Variants in LINGO2 observed in about 807,000 individuals in gnomAD.
LINGO2 encodes the protein leucine-rich repeat and immunoglobulin-like domain-containing nogo receptor-interacting protein 2.
In LINGO2, 14 loss-of-function variants were observed where a neutral mutation model predicts 30.6. That is an observed-to-expected ratio of 0.46 (90% CI 0.30 to 0.72). LINGO2 has a LOEUF of 0.72. Ranked by LOEUF, LINGO2 falls within the 30% of genes least tolerant of loss-of-function variation. The pLI is 0.07. For missense variants in LINGO2, 729 were observed against 751.7 expected (o/e 0.97, Z 0.35); for synonymous variants, 317 against 288.5 (o/e 1.10, Z -1.00).
chr9:27,956,397 T>C (rs1177795792), intron 5 of LINGO2, among the ~76,000 whole-genome samples: 10 of 152,244 alleles, frequency 6.6e-5, no homozygotes, highest in Non-Finnish European at 1.5e-4. Flanking sequence ...TCACTTTTAA[T>C]TGCATTTTTA....
intron 1 of LINGO2, among the ~76,000 whole-genome samples, chr9:28,570,645 G>A (rs570033572): frequency 2.0e-5 from 3 of 151,048 alleles, no homozygotes; most frequent in East Asian, 3.9e-4. Context: ...TATCTACTTG[G>A]GGAGCAGCAT....
the LINGO2 span, among the ~76,000 whole-genome samples, chr9:29,144,300 G>T: frequency 6.6e-6 from 1 of 151,954 alleles, no homozygotes; most frequent in Non-Finnish European, 1.5e-5. Flanking sequence ...TGTATAGAAC[G>T]TCAGTGGAAG....
intron 4 of LINGO2, among the ~76,000 whole-genome samples, chr9:28,183,221 A>T (rs147251309): frequency 0.011 from 1,677 of 151,898 alleles, 33 homozygotes; most frequent in African/African-American, 0.038. Flanking sequence ...ACCAAACACC[A>T]CATGTTCTCA....
the LINGO2 span, among the ~76,000 whole-genome samples, chr9:29,071,497 A>G: frequency 8.4e-6 from 1 of 119,074 alleles, no homozygotes; most frequent in Non-Finnish European, 1.7e-5. Flanking sequence ...ATATATATAT[A>G]TATATATATA....
At chr9:28,837,661 CAT>C in the LINGO2 span, among the ~76,000 whole-genome samples, 8 of 89,402 alleles carry the variant, frequency 8.9e-5, 2 homozygotes, top group African/African-American at 2.2e-4. Context: ...TATATATATA[CAT>C]ATATATATAT....
rs556005036 is a variant in LINGO2 at position 28,185,634 on chromosome 9, T to C, written c.-87+109574A>G. Among the ~76,000 whole-genome samples the C allele has an allele frequency of 9.2e-5, 14 of 152,300 alleles. No homozygotes were observed. In the South Asian group the frequency reaches 2.9e-3, roughly 32 times the overall value. On this transcript the variant is annotated intron_variant, in intron 4 of 5. Transcript: ENST00000379992. ...TCTTTAGAAAACTGAAACACAATTG[T>C]AGAAATAGGACTGCAAAAATATAGT...
intron 5 of LINGO2, among the ~76,000 whole-genome samples, chr9:28,010,545 G>A (rs1012172563): frequency 6.6e-6 from 1 of 152,168 alleles, no homozygotes; most frequent in Non-Finnish European, 1.5e-5. Flanking sequence ...CAGGGATGGA[G>A]TTTCTAGATC....
chr9:28,172,502 T>C (rs2075085712), intron 4 of LINGO2, among the ~76,000 whole-genome samples: 1 of 152,270 alleles, frequency 6.6e-6, no homozygotes, highest in South Asian at 2.1e-4. Context: ...ATTGTCATTT[T>C]AAACATCTCA....
chr9:27,961,533 G>A (rs1038240150), intron 5 of LINGO2, among the ~76,000 whole-genome samples: 1 of 152,124 alleles, frequency 6.6e-6, no homozygotes, highest in Non-Finnish European at 1.5e-5. Flanking sequence ...GACTGAAGAG[G>A]TAATTAGAGG....
intron 1 of LINGO2, among the ~76,000 whole-genome samples, chr9:28,531,706 A>G (rs1371582605): frequency 6.6e-6 from 1 of 152,126 alleles, no homozygotes; most frequent in Non-Finnish European, 1.5e-5. Context: ...TATTCACTTT[A>G]TTTGTATTAA....
chr9:28,059,671 A>G (rs1380855300), intron 4 of LINGO2, among the ~76,000 whole-genome samples: 2 of 152,184 alleles, frequency 1.3e-5, no homozygotes, highest in African/African-American at 2.4e-5. Flanking sequence ...AAGCATTTAT[A>G]GAACACATTT....
the LINGO2 span, among the ~76,000 whole-genome samples, chr9:28,976,307 T>A: frequency 6.6e-6 from 1 of 152,186 alleles, no homozygotes; most frequent in Non-Finnish European, 1.5e-5. Flanking sequence ...ATCTCAGCTA[T>A]ACTTTTCTCT....
the LINGO2 span, among the ~76,000 whole-genome samples, chr9:29,086,623 T>C: frequency 6.6e-6 from 1 of 152,126 alleles, no homozygotes; most frequent in Non-Finnish European, 1.5e-5. Context: ...GTGAAAAAAA[T>C]TGAAAGAATA....
At chr9:28,311,114 G>A (rs977820798) in intron 3 of LINGO2, among the ~76,000 whole-genome samples, 1 of 152,032 alleles carries the variant, frequency 6.6e-6, no homozygotes, top group African/African-American at 2.4e-5. Flanking sequence ...GATGTCCGGG[G>A]GAGACATCAC....
At chr9:29,040,566 A>T in the LINGO2 span, among the ~76,000 whole-genome samples, 1 of 102,924 alleles carries the variant, frequency 9.7e-6, no homozygotes. Context: ...ACGCCTCTTT[A>T]AAAAAAAAAA....
At chr9:28,135,626 G>A (rs1182700050) in intron 4 of LINGO2, among the ~76,000 whole-genome samples, 1 of 152,004 alleles carries the variant, frequency 6.6e-6, no homozygotes, top group Non-Finnish European at 1.5e-5. Context: ...ATCACGGTCT[G>A]TTCTGTATTA....
chr9:28,285,671 C>T (rs192078724), intron 4 of LINGO2, among the ~76,000 whole-genome samples: 1 of 152,118 alleles, frequency 6.6e-6, no homozygotes, highest in Non-Finnish European at 1.5e-5. Flanking sequence ...TCCCAAAGTG[C>T]TGGGATTACA....
At chr9:28,262,441 A>G (rs2134051186) in intron 4 of LINGO2, among the ~76,000 whole-genome samples, 1 of 152,078 alleles carries the variant, frequency 6.6e-6, no homozygotes, top group East Asian at 1.9e-4. Flanking sequence ...TTTAAAATAG[A>G]AAGAAAGAAA....
intron 1 of LINGO2, among the ~76,000 whole-genome samples, chr9:28,638,486 A>G (rs1280523803): frequency 1.3e-5 from 2 of 152,030 alleles, no homozygotes; most frequent in Non-Finnish European, 2.9e-5. Context: ...AATTATTGCC[A>G]CAATTTCAGA....
Sources: allele counts gnomAD v4.1 joint callset (sites outside exome capture counted in the v4.1 genomes callset), GRCh38; gene constraint gnomAD v4.1.1; transcripts MANE v1.5; gene names NCBI Gene and HGNC (gene_info 2026-07-23, HGNC 2026-07-21).